DSCAML1: variants seen among roughly 807,000 people sequenced by gnomAD.
DSCAML1 encodes DS cell adhesion molecule like 1.
A neutral mutation model predicts 200.5 loss-of-function variants in DSCAML1; 38 were observed. The observed-to-expected ratio is 0.19, with a 90% confidence interval of 0.15 to 0.25. The LOEUF (loss-of-function observed/expected upper bound fraction) is 0.25, where lower values mean the gene tolerates loss of function less well. Ranked by LOEUF, DSCAML1 falls within the 10% of genes least tolerant of loss-of-function variation. DSCAML1 has a pLI of 1.00. For missense variants in DSCAML1, 2,223 were observed against 2,858.8 expected, an observed-to-expected ratio of 0.78 and a Z score of 5.07; for synonymous variants, 1,215 against 1,165.0, an observed-to-expected ratio of 1.04 and a Z score of -0.87.
At chr11:117,679,038 A>G (rs560152300) in intron 3 of DSCAML1, among the ~76,000 whole-genome samples, 2 of 152,380 alleles carry the variant, frequency 1.3e-5, no homozygotes, top group Non-Finnish European at 2.9e-5. Context: ...TCCCAGGCTC[A>G]GCGGCCTCAT....
At position 117,780,207 on chromosome 11, in the gene DSCAML1, A is replaced by AAG. The variant is rs369747722; in HGVS notation, c.364+284_364+285dup. Among the ~76,000 whole-genome samples, 11,341 of 59,900 alleles carry AAG rather than the reference A, an allele frequency of 0.19. 1,639 individuals carry two copies. Among genetic ancestry groups the AAG allele is most frequent in the Middle Eastern group, 0.33 (46 of 140 alleles). The allele number at this position is 59,900 out of a possible 152,430, so 39.3% of individuals were successfully genotyped here. A position where few individuals can be genotyped will look rare whatever the true frequency, so the allele number is the denominator to read the frequency against. ...AAAAAGAAAGAAAGAAAGAGAAAGAAAGAGAGAGAGAGAAAGAAAGAAAGG... is the reference window on the plus strand; with the variant it reads ...AAAAAGAAAGAAAGAAAGAGAAAGAAAGAGAGAGAGAGAGAAAGAAAGAAAGG... On this transcript the variant is annotated intron_variant, in intron 2 of 32. Coordinates refer to ENST00000651296, the MANE Select transcript of DSCAML1 (RefSeq NM_020693.4). The surrounding 1 kb of genome is among the most constrained non-coding windows in gnomAD (Gnocchi z 4.8).
rs1344857986 is a variant in DSCAML1 at position 117,443,858 on chromosome 11, C to T, written c.3862+28G>A. 2.6e-6 allele frequency: 4 copies of T among 1,557,604 alleles called. No homozygotes were observed. The South Asian group carries it at 4.7e-5, about 18-fold the overall frequency. ...TAAGGGAGCTTTTGGAAGTGTTTGCCCCTCTGCCACAGCCTCAGGCTTCTC... is the reference window on the plus strand; with the variant it reads ...TAAGGGAGCTTTTGGAAGTGTTTGCTCCTCTGCCACAGCCTCAGGCTTCTC... On this transcript the variant is annotated intron_variant, in intron 21 of 32. Transcript: ENST00000651296.
chr11:117,717,434 C>T (rs969733437), intron 3 of DSCAML1, among the ~76,000 whole-genome samples: 1 of 152,236 alleles, frequency 6.6e-6, no homozygotes, highest in African/African-American at 2.4e-5. Context: ...ATCATTTCCT[C>T]CACCAGGGAC....
Position 117,428,662 on chromosome 11 carries a change from TGGC to T in DSCAML1, c.5825_5827del (p.Arg1942del). Reference sequence around the variant, plus strand: ...CTTGCTGGCAGGGTCCAGGGTCAGGTGGCGAGCCTGGGTGTGGTAGGTTCGAGC... The same window carrying T: ...CTTGCTGGCAGGGTCCAGGGTCAGGTGAGCCTGGGTGTGGTAGGTTCGAGC... On this transcript the variant is annotated inframe_deletion, in exon 33 of 33. Transcript: ENST00000651296. 1 of 1,612,102 alleles carries T rather than the reference TGGC, an allele frequency of 6.2e-7. No homozygotes were observed. Among genetic ancestry groups the T allele is most frequent in the Non-Finnish European group, 8.5e-7 (1 of 1,179,350 alleles).
intron 3 of DSCAML1, among the ~76,000 whole-genome samples, chr11:117,551,618 C>T (rs1260039423): frequency 6.6e-6 from 1 of 152,162 alleles, no homozygotes; most frequent in African/African-American, 2.4e-5. Context: ...ACCTGAGTGC[C>T]ATGTTTAGAC....
chr11:117,599,065 A>G (rs1321534046), intron 3 of DSCAML1, among the ~76,000 whole-genome samples: 1 of 152,224 alleles, frequency 6.6e-6, no homozygotes, highest in East Asian at 1.9e-4. Flanking sequence ...TGATTAGAGA[A>G]TTCCTGACCA....
chr11:117,780,394 C>A lies in DSCAML1; in HGVS notation c.364+99G>T. On this transcript the variant is annotated intron_variant, in intron 2 of 32. Transcript: ENST00000651296. The surrounding 1 kb of genome is among the most constrained non-coding windows in gnomAD (Gnocchi z 4.8). ...TTCAAAAGAGAACAACAAAACTGTT[C>A]TTGAGTGAACGACTTCTTGCAAGCC... The A allele has an allele frequency of 9.0e-7, 1 of 1,116,378 alleles. No individual in the cohort carries two copies. The highest frequency in any genetic ancestry group is 1.2e-6 in the Non-Finnish European group (1 of 833,612). 69.2% of individuals were successfully genotyped at this position (1,116,378 alleles called of 1,614,324 possible). A position where few individuals can be genotyped will look rare whatever the true frequency, so the allele number is the denominator to read the frequency against.
At chr11:117,720,224 C>T (rs1311757936) in intron 3 of DSCAML1, among the ~76,000 whole-genome samples, 1 of 152,200 alleles carries the variant, frequency 6.6e-6, no homozygotes, top group African/African-American at 2.4e-5. Flanking sequence ...GAGCAGATAG[C>T]AATTTTCCTT....
chr11:117,607,969 C>T (rs1035978139), intron 3 of DSCAML1, among the ~76,000 whole-genome samples: 1 of 152,216 alleles, frequency 6.6e-6, no homozygotes, highest in Non-Finnish European at 1.5e-5. Flanking sequence ...AATTGTCTTT[C>T]TTTACGTGAT....
At chr11:117,720,432 G>A (rs780882881) in intron 3 of DSCAML1, among the ~76,000 whole-genome samples, 2 of 152,116 alleles carry the variant, frequency 1.3e-5, no homozygotes, top group South Asian at 2.1e-4. Context: ...GGAGGGAGCC[G>A]AGGGCTGAAT....
intron 3 of DSCAML1, among the ~76,000 whole-genome samples, chr11:117,581,823 C>T (rs1161449997): frequency 1.3e-5 from 2 of 152,200 alleles, no homozygotes; most frequent in African/African-American, 4.8e-5. Flanking sequence ...AAAGTCCATG[C>T]ACGCCCTTCT....
intron 3 of DSCAML1, among the ~76,000 whole-genome samples, chr11:117,713,698 G>A (rs530929278): frequency 1.3e-5 from 2 of 152,298 alleles, no homozygotes; most frequent in East Asian, 1.9e-4. Context: ...TATGACCTCC[G>A]TCACCAGTTC....
intron 3 of DSCAML1, among the ~76,000 whole-genome samples, chr11:117,664,921 A>C (rs2052942645): frequency 6.6e-6 from 1 of 152,112 alleles, no homozygotes; most frequent in African/African-American, 2.4e-5. Flanking sequence ...CTTCAGAACC[A>C]CGTCTATCAA....
At position 117,776,875 on chromosome 11, in the gene DSCAML1, C is replaced by G. The variant is rs554359582; in HGVS notation, c.427G>C (p.Val143Leu). 3.7e-6 allele frequency: 6 copies of G among 1,614,058 alleles called. No individual in the cohort carries two copies. The South Asian group carries it at 4.4e-5, about 12-fold the overall frequency. The change falls in exon 3 of 33, where the codon GTC (valine) becomes CTC (leucine). Residue 143 changes from valine (V) to leucine (L), a missense_variant. Val to Leu is a conservative substitution (Grantham distance 32). Around this residue, in one of 7 missense-constraint regions of DSCAML1, gnomAD observed 579 missense variants for 721.5 expected, o/e 0.80. Coordinates refer to ENST00000651296, the MANE Select transcript of DSCAML1 (RefSeq NM_020693.4). ...DQRSMRGNVA[V>L]FKCLIPSSVQ... The stretch of plus-strand genomic sequence containing the variant: ...GAAGAGGGGATGAGGCACTTGAAGA[C>G]GGCCACGTTGCCACGCATTGACCTT...
At chr11:117,572,522 C>G (rs774981935) in intron 3 of DSCAML1, among the ~76,000 whole-genome samples, 5 of 152,186 alleles carry the variant, frequency 3.3e-5, no homozygotes, top group African/African-American at 7.2e-5. Context: ...GTAGGGACTC[C>G]TTGCCCCATC....
chr11:117,691,748 G>A (rs978477597), intron 3 of DSCAML1, among the ~76,000 whole-genome samples: 6 of 152,182 alleles, frequency 3.9e-5, no homozygotes, highest in African/African-American at 1.4e-4. Flanking sequence ...AAGGAACAGG[G>A]GAGGGGCTGG....
At chr11:117,537,743 C>A (rs1322339213) in intron 3 of DSCAML1, among the ~76,000 whole-genome samples, 1 of 152,190 alleles carries the variant, frequency 6.6e-6, no homozygotes, top group Non-Finnish European at 1.5e-5. Context: ...AAGTGCTGTG[C>A]AGAGGCGGAA....
chr11:117,546,647 G>A lies in DSCAML1; in HGVS notation c.512-14125C>T, dbSNP rs145842833. Among the ~76,000 whole-genome samples, 433 of 152,194 alleles carry A rather than the reference G, an allele frequency of 2.8e-3. 5 individuals are homozygous for A. Among genetic ancestry groups the A allele is most frequent in the African/African-American group, 8.5e-3 (351 of 41,516 alleles). ...CTTGGGGCAACTGAGATCTAGAAGG[G>A]TCCCTCACTGTCTCCGGAGCAGCTC... On this transcript the variant is annotated intron_variant, in intron 3 of 32. Coordinates refer to ENST00000651296, the MANE Select transcript of DSCAML1 (RefSeq NM_020693.4).
rs373241690 is a variant in DSCAML1, at chr11:117,749,610, G to A, written c.511+27181C>T. Among the ~76,000 whole-genome samples, 233 of 152,340 alleles carry A rather than the reference G, an allele frequency of 1.5e-3. 1 individual carries two copies. Among genetic ancestry groups the A allele is most frequent in the African/African-American group, 5.2e-3 (216 of 41,592 alleles). ...AACCAGCCCATCTGCTGGGAAGGAG[G>A]CAGTGGGTGATCTGGATTCTTGGCA... On this transcript the variant is annotated intron_variant, in intron 3 of 32. Coordinates refer to ENST00000651296, the MANE Select transcript of DSCAML1 (RefSeq NM_020693.4).
Sources: gnomAD v4.1 joint callset for allele counts (sites outside exome capture counted in the v4.1 genomes callset) on GRCh38, gnomAD v4.1.1 for gene constraint, gnomAD v4.1.1 regional missense constraint, Gnocchi (gnomAD v3.1) non-coding constraint, MANE v1.5 for transcripts, NCBI Gene and HGNC (gene_info 2026-07-23, HGNC 2026-07-21) for gene names.